MCCC1: variants seen among roughly 807,000 people sequenced by gnomAD.
MCCC1 encodes methylcrotonoyl-CoA carboxylase subunit alpha, mitochondrial.
In MCCC1, 64 loss-of-function variants were observed where a neutral mutation model predicts 83.8. The ratio of observed to expected loss-of-function variants is 0.76; its 90% CI spans 0.62 to 0.94. MCCC1 has a LOEUF of 0.94. Among genes scored for constraint, MCCC1 ranks in the 40% least tolerant of loss-of-function variants. MCCC1 has a pLI of 0.00. For synonymous variants in MCCC1, 322 were observed against 315.4 expected (o/e 1.02, Z -0.22); for missense variants, 807 against 904.7 (o/e 0.89, Z 1.39).
chr3:183,075,025 A>G (rs1054260641), intron 4 of MCCC1, among the ~76,000 whole-genome samples: 1 of 152,136 alleles, frequency 6.6e-6, no homozygotes, highest in African/African-American at 2.4e-5. Flanking sequence ...AGCTCCATCC[A>G]TGTTCCCGCA....
At chr3:183,040,278 A>G (rs958472802) in intron 11 of MCCC1, among the ~76,000 whole-genome samples, 6 of 151,938 alleles carry the variant, frequency 3.9e-5, no homozygotes, top group Non-Finnish European at 8.8e-5. Flanking sequence ...GGCTTTTAGG[A>G]CACTAGGATT....
chr3:183,054,088 G>A (rs1178341076), intron 8 of MCCC1, among the ~76,000 whole-genome samples: 1 of 149,772 alleles, frequency 6.7e-6, no homozygotes, highest in Non-Finnish European at 1.5e-5. Flanking sequence ...CAGCATGTTG[G>A]CCAGGCTGGT....
chr3:183,093,405 C>T (rs1379637767), intron 2 of MCCC1, among the ~76,000 whole-genome samples: 2 of 152,184 alleles, frequency 1.3e-5, no homozygotes, highest in African/African-American at 2.4e-5. Flanking sequence ...CCTAGATCTG[C>T]GTCACTCCAG....
chr3:183,088,800 CTT>C (rs972625050), intron 3 of MCCC1, among the ~76,000 whole-genome samples: 4 of 152,176 alleles, frequency 2.6e-5, no homozygotes, highest in African/African-American at 9.7e-5. Flanking sequence ...CTTGGGAACT[CTT>C]TTTCTTGCTA....
intron 1 of MCCC1, among the ~76,000 whole-genome samples, chr3:183,113,722 T>A (rs565927556): frequency 6.0e-5 from 9 of 151,210 alleles, no homozygotes; most frequent in East Asian, 3.9e-4. Flanking sequence ...TAAAAAAAAA[T>A]TTAAAAAAAG....
At chr3:183,025,396 GCT>G (rs535262791) in intron 15 of MCCC1, among the ~76,000 whole-genome samples, 2 of 152,208 alleles carry the variant, frequency 1.3e-5, no homozygotes, top group South Asian at 4.1e-4. Flanking sequence ...AAACCAAAGT[GCT>G]CTGGTGGGTA....
chr3:183,085,926 C>T lies in MCCC1; in HGVS notation c.369+767G>A, dbSNP rs550662445. ...GTTCTTTTGGAACTCCAAGAACCAG[C>T]CTCATTAAGCCCTCGGCAGCCAGGC... is the stretch of plus-strand genomic sequence containing the variant. On this transcript the variant is annotated intron_variant, in intron 4 of 18. Coordinates refer to ENST00000265594, the MANE Select transcript of MCCC1 (RefSeq NM_020166.5). Among the ~76,000 whole-genome samples the T allele has an allele frequency of 2.6e-5, 4 of 152,304 alleles. No homozygotes were observed. In the East Asian group the frequency reaches 7.7e-4, roughly 29 times the overall value.
At chr3:183,109,827 C>T (rs374887835) in intron 1 of MCCC1, among the ~76,000 whole-genome samples, 1 of 152,178 alleles carries the variant, frequency 6.6e-6, no homozygotes, top group Non-Finnish European at 1.5e-5. Context: ...TGAGAAATCT[C>T]CAAACTGATT....
At chr3:183,017,406 T>G in intron 17 of MCCC1, 69 bp from the exon 18 acceptor site, 1 of 1,388,596 alleles carries the variant, frequency 7.2e-7, no homozygotes, top group Non-Finnish European at 1.0e-6. Context: ...TCTGCTTCAT[T>G]ATAGTAACCA....
chr3:183,052,277 G>A (rs1206521717), intron 8 of MCCC1, 37 bp from the exon 9 acceptor site: 7 of 1,569,260 alleles, frequency 4.5e-6, no homozygotes, highest in Non-Finnish European at 6.1e-6. Context: ...TCCATTAGTA[G>A]CTTGCCTTAC....
intron 13 of MCCC1, among the ~76,000 whole-genome samples, chr3:183,036,541 T>TTTTA (rs1713609250): frequency 6.8e-6 from 1 of 147,842 alleles, no homozygotes; most frequent in African/African-American, 2.5e-5. Flanking sequence ...CATTTCCTTT[T>TTTTA]TTTTTTTTTT....
At position 183,064,720 on chromosome 3, in the gene MCCC1, G is replaced by T. The variant is rs1716119430; in HGVS notation, c.761+6279C>A. ...CTGCTGGGCCCACGGCAGGCTGTTC[G>T]CGGGCAGCCGGCTCCGTGGACAGCA... On this transcript the variant is annotated intron_variant, in intron 7 of 18. Transcript: ENST00000265594. This position sits in a 1 kb window ranked among gnomAD's most constrained non-coding sequence, Gnocchi z 4.5. Among the ~76,000 whole-genome samples, 1 of 152,232 alleles carries T rather than the reference G, an allele frequency of 6.6e-6. No individual in the cohort carries two copies. Among genetic ancestry groups the T allele is most frequent in the East Asian group, 1.9e-4 (1 of 5,196 alleles).
intron 9 of MCCC1, among the ~76,000 whole-genome samples, chr3:183,047,559 C>CTAAG (rs934122919): frequency 7.3e-5 from 11 of 151,300 alleles, no homozygotes; most frequent in African/African-American, 1.9e-4. Context: ...GATTAACAGG[C>CTAAG]TAAGGGCTTT....
At chr3:183,095,607 T>C (rs1462945314) in intron 1 of MCCC1, among the ~76,000 whole-genome samples, 1 of 152,126 alleles carries the variant, frequency 6.6e-6, no homozygotes, top group Non-Finnish European at 1.5e-5. Context: ...TTTTAAAAGA[T>C]TTTATTCCTT....
intron 4 of MCCC1, among the ~76,000 whole-genome samples, chr3:183,080,043 C>T (rs1298114885): frequency 6.6e-6 from 1 of 152,202 alleles, no homozygotes; most frequent in East Asian, 1.9e-4. Context: ...ACCATTTTTT[C>T]CCTCCTGGGC....
upstream of MCCC1, among the ~76,000 whole-genome samples, chr3:183,100,189 A>T (rs1009788866): frequency 6.6e-6 from 1 of 152,240 alleles, no homozygotes; most frequent in Non-Finnish European, 1.5e-5. Context: ...GACATGATTT[A>T]AAAAACAAGC....
At position 183,026,045 on chromosome 3, in the gene MCCC1, TTTTGA is replaced by T. The variant is rs72489915; in HGVS notation, c.1682-246_1682-242del. Reference sequence around the variant, plus strand: ...TGGAATTTCAGGGGTTTTATTTTTATTTTGATTTATTTTTTAAGACAGGGTATCAC... The same window carrying T: ...TGGAATTTCAGGGGTTTTATTTTTATTTTATTTTTTAAGACAGGGTATCAC... On this transcript the variant is annotated intron_variant, in intron 14 of 18. Transcript: ENST00000265594. 0.026 allele frequency among the ~76,000 whole-genome samples: 4,000 copies of T among 152,242 alleles called. 153 individuals are homozygous for T. The highest frequency in any genetic ancestry group is 0.095 in the East Asian group (494 of 5,174).
intron 4 of MCCC1, among the ~76,000 whole-genome samples, chr3:183,080,924 A>C (rs757574869): frequency 3.9e-5 from 6 of 152,164 alleles, no homozygotes; most frequent in Non-Finnish European, 8.8e-5. Flanking sequence ...TGAGAACAGC[A>C]CAGTAAAGAC....
intron 7 of MCCC1, among the ~76,000 whole-genome samples, chr3:183,063,108 C>G (rs1241746050): frequency 6.6e-6 from 1 of 152,082 alleles, no homozygotes; most frequent in South Asian, 2.1e-4. Flanking sequence ...CTCAGCCTCC[C>G]GAGTAGCTGG....
Sources: allele counts gnomAD v4.1 joint callset (sites outside exome capture counted in the v4.1 genomes callset), GRCh38; gene constraint gnomAD v4.1.1; non-coding constraint Gnocchi (gnomAD v3.1); transcripts MANE v1.5; gene names NCBI Gene and HGNC (gene_info 2026-07-23, HGNC 2026-07-21).